Variants in RAPH1 observed in about 807,000 individuals in gnomAD.
RAPH1 encodes the protein Ras association (RalGDS/AF-6) and pleckstrin homology domains 1, also known as ras-associated and pleckstrin homology domains-containing protein 1.
A neutral mutation model predicts 88.1 loss-of-function variants in RAPH1; 18 were observed. The ratio of observed to expected loss-of-function variants is 0.20; its 90% confidence interval spans 0.14 to 0.30. The LOEUF is 0.30. RAPH1 is among the 10% of genes least tolerant of loss of function. The pLI, the probability that RAPH1 is intolerant of heterozygous loss-of-function variation, is 1.00. For missense variants in RAPH1, 1,448 were observed against 1,543.2 expected, an observed-to-expected ratio of 0.94 and a Z score of 1.03; for synonymous variants, 587 against 559.0, an observed-to-expected ratio of 1.05 and a Z score of -0.71.
At chr2:203,486,537 T>A (rs1408422126) in intron 4 of RAPH1, among the ~76,000 whole-genome samples, 1 of 152,186 alleles carries the variant, frequency 6.6e-6, no homozygotes, top group Non-Finnish European at 1.5e-5. Flanking sequence ...TATGTAGACT[T>A]AATGATAAAG....
At chr2:203,501,933 GTCC>G (rs1688756650) in intron 1 of RAPH1, among the ~76,000 whole-genome samples, 1 of 152,008 alleles carries the variant, frequency 6.6e-6, no homozygotes, top group African/African-American at 2.4e-5. Flanking sequence ...GGCTCAAGCA[GTCC>G]TCCTGCCTCA....
rs2098496626 is a variant in RAPH1, at chr2:203,434,415, C to G, written c.*5022G>C. The G allele has an allele frequency of 6.6e-6, 1 of 152,494 alleles. No homozygotes were observed. The highest frequency in any genetic ancestry group is 1.5e-5 in the Non-Finnish European group (1 of 68,002). 9.4% of individuals were successfully genotyped at this position (152,494 alleles called of 1,614,324 possible). ...TGTGCAATTCCCCTTTAACAGTAAA[C>G]AATGTTTTTAAAACACTTAGCACAA... On this transcript the variant is annotated 3_prime_UTR_variant, in exon 14 of 14. Transcript: ENST00000319170.
At chr2:203,442,199 G>A (rs2098504876) in intron 13 of RAPH1, 1 of 1,058,670 alleles carries the variant, frequency 9.4e-7, no homozygotes, top group Non-Finnish European at 1.3e-6. Flanking sequence ...TAAAGAAAAT[G>A]TATCAAGAAA....
intron 4 of RAPH1, among the ~76,000 whole-genome samples, chr2:203,480,064 T>TTA (rs1687651849): frequency 1.3e-5 from 2 of 152,244 alleles, no homozygotes; most frequent in South Asian, 4.1e-4. Context: ...AAACTTTCAT[T>TTA]TGTATTACAA....
intron 1 of RAPH1, among the ~76,000 whole-genome samples, chr2:203,515,312 C>T (rs889335994): frequency 3.9e-5 from 6 of 152,120 alleles, no homozygotes; most frequent in Non-Finnish European, 8.8e-5. Flanking sequence ...TTCTGTTTGA[C>T]GGTATACTGT....
Position 203,495,156 on chromosome 2 carries a change from C to T in RAPH1, c.120+78G>A, listed in dbSNP as rs377411840. ...AATACTTTAAAATTTAACTTATATC[C>T]ATATCCTCTTCTGCACATTAAACTT... On this transcript the variant is annotated intron_variant, in intron 2 of 13. Transcript: ENST00000319170. 105 of 1,507,952 alleles carry T rather than the reference C, an allele frequency of 7.0e-5. 1 individual carries two copies. The East Asian group carries it at 1.0e-3, about 15-fold the overall frequency. 93.4% of individuals were successfully genotyped at this position (1,507,952 alleles called of 1,614,324 possible).
intron 7 of RAPH1, among the ~76,000 whole-genome samples, chr2:203,459,080 A>G (rs2098522259): frequency 6.6e-6 from 1 of 152,072 alleles, no homozygotes; most frequent in Non-Finnish European, 1.5e-5. Flanking sequence ...CGTGTTAGCC[A>G]GGATGGTCTC....
Position 203,440,627 on chromosome 2 carries a change from G to T in RAPH1, c.2563C>A (p.Leu855Met). The T allele has an allele frequency of 6.4e-7, 1 of 1,556,916 alleles. No individual in the cohort carries two copies. Among genetic ancestry groups the T allele is most frequent in the Non-Finnish European group, 8.7e-7 (1 of 1,148,704 alleles). Residue 855 changes from leucine (L) to methionine (M), a missense_variant, in exon 14 of 14, where the codon CTG becomes ATG. Physicochemically the swap from Leu to Met is conservative, Grantham distance 15. Coordinates refer to ENST00000319170, the MANE Select transcript of RAPH1 (RefSeq NM_213589.3). ...TTCACGACCGAGGGCACCGGTGACA[G>T]TGGAGAGGGAGGGGGTTTTGCACAG... ...SFCAKPPPSP[L>M]SPVPSVVKQI...
intron 1 of RAPH1, among the ~76,000 whole-genome samples, chr2:203,526,240 T>C (rs1690108543): frequency 6.6e-6 from 1 of 152,180 alleles, no homozygotes; most frequent in African/African-American, 2.4e-5. Context: ...AAATGTTTTA[T>C]TACTGTATGT....
intron 4 of RAPH1, among the ~76,000 whole-genome samples, chr2:203,469,161 C>A (rs973331001): frequency 1.3e-5 from 2 of 152,068 alleles, no homozygotes. Flanking sequence ...AATAGAGATC[C>A]TAGCTGAAGA....
intron 2 of RAPH1, 52 bp from the exon 3 acceptor site, chr2:203,491,371 TA>T (rs780208997): frequency 1.3e-5 from 16 of 1,242,272 alleles, no homozygotes; most frequent in Non-Finnish European, 1.7e-5. Context: ...TTCAATAATA[TA>T]AAAAAAGATG....
chr2:203,453,984 G>GA (rs1003980450), intron 10 of RAPH1, among the ~76,000 whole-genome samples: 4 of 151,916 alleles, frequency 2.6e-5, no homozygotes, highest in Admixed American at 6.6e-5. Flanking sequence ...ATAGTTCAGG[G>GA]AAAAAAAGAG....
rs141825984 is a variant in RAPH1, at chr2:203,526,405, G to A, written c.-1+8706C>T. On this transcript the variant is annotated intron_variant, in intron 1 of 13. Coordinates refer to ENST00000319170, the MANE Select transcript of RAPH1 (RefSeq NM_213589.3). ...TTAGAACCAGAATGTCTTGTCCCAA[G>A]TGCTTTAAGATGACTTCATATAAGA... 3.0e-3 allele frequency among the ~76,000 whole-genome samples: 454 copies of A among 152,182 alleles called. 2 individuals carry two copies. The highest frequency in any genetic ancestry group is 0.01 in the African/African-American group (425 of 41,526).
intron 1 of RAPH1, among the ~76,000 whole-genome samples, chr2:203,506,550 C>T (rs1689008768): frequency 6.6e-6 from 1 of 150,378 alleles, no homozygotes; most frequent in African/African-American, 2.5e-5. Flanking sequence ...AAACAAAAAA[C>T]AAGATGAGCC....
Position 203,489,827 on chromosome 2 carries a change from G to C in RAPH1, c.489C>G (p.Ala163=). 3.1e-6 allele frequency: 5 copies of C among 1,614,214 alleles called. No individual in the cohort carries two copies. Among genetic ancestry groups the C allele is most frequent in the Non-Finnish European group, 4.2e-6 (5 of 1,180,034 alleles). The part of the protein sequence containing the change: ...LDDVTAQLEQ[A]SLSMDEAAQQ... The stretch of plus-strand genomic sequence containing the variant: ...GAGCAGCCTCATCCATACTCAAAGA[G>C]GCCTGTTCTAACTGTGCAGTGACGT... The change falls in exon 4 of 14, where the codon GCC becomes GCG. Residue 163 remains alanine (A), a synonymous_variant. Coordinates refer to ENST00000319170, the MANE Select transcript of RAPH1 (RefSeq NM_213589.3).
intron 4 of RAPH1, among the ~76,000 whole-genome samples, chr2:203,471,680 A>C (rs1319990693): frequency 6.6e-6 from 1 of 152,204 alleles, no homozygotes; most frequent in Non-Finnish European, 1.5e-5. Context: ...AACATGTTAC[A>C]GAAGACAATA....
intron 1 of RAPH1, among the ~76,000 whole-genome samples, chr2:203,521,097 A>C (rs1689845689): frequency 6.6e-6 from 1 of 152,198 alleles, no homozygotes; most frequent in Non-Finnish European, 1.5e-5. Flanking sequence ...TCTGTTGCCC[A>C]GCCTGGAGTG....
chr2:203,506,850 C>CTA (rs1386285913), intron 1 of RAPH1, among the ~76,000 whole-genome samples: 44,922 of 75,222 alleles, frequency 0.6, 13,805 homozygotes, highest in Middle Eastern at 0.75. Context: ...ATATATCTAT[C>CTA]TATATCTATA....
chr2:203,516,982 C>A (rs947266711), intron 1 of RAPH1, among the ~76,000 whole-genome samples: 1 of 150,462 alleles, frequency 6.6e-6, no homozygotes, highest in Admixed American at 6.6e-5. Context: ...TGCAGTGAGC[C>A]GACATCGCGT....
Sources: gnomAD v4.1 joint callset for allele counts (sites outside exome capture counted in the v4.1 genomes callset) on GRCh38, gnomAD v4.1.1 for gene constraint, MANE v1.5 for transcripts, NCBI Gene and HGNC (gene_info 2026-07-23, HGNC 2026-07-21) for gene names.